The following SCAMP4 variants were observed in gnomAD, a reference collection of about 807,000 sequenced individuals.
SCAMP4 encodes the protein secretory carrier membrane protein 4, also known as secretory carrier-associated membrane protein 4.
In SCAMP4, 19 loss-of-function variants were observed where a neutral mutation model predicts 32.1. The observed-to-expected ratio is 0.59, with a 90% CI of 0.41 to 0.87. The LOEUF is 0.87. Ranked by LOEUF, SCAMP4 falls within the 40% of genes least tolerant of loss-of-function variation. SCAMP4 has a pLI of 0.00. For synonymous variants in SCAMP4, 152 were observed against 132.7 expected, an observed-to-expected ratio of 1.15 and a Z score of -1.00; for missense variants, 302 against 309.0, an observed-to-expected ratio of 0.98 and a Z score of 0.17.
intron 3 of SCAMP4, 39 bp downstream of exon 3, chr19:1,917,861 CAGGGCTCCCCG>C: frequency 6.2e-7 from 1 of 1,610,982 alleles, no homozygotes; most frequent in East Asian, 2.2e-5. Context: ...AAGCGGGAGG[CAGGGCTCCCCG>C]AGGGAGGGAG....
chr19:1,916,271 A>C (rs78627081), intron 2 of SCAMP4, among the ~76,000 whole-genome samples: 2,710 of 149,904 alleles, frequency 0.018, 80 homozygotes, highest in African/African-American at 0.063. Context: ...ATACAGGAGG[A>C]GTCGTCGTGG....
chr19:1,922,608 G>C (rs2013955170), intron 5 of SCAMP4: 1 of 985,618 alleles, frequency 1.0e-6, no homozygotes, highest in Non-Finnish European at 1.2e-6. Context: ...ATTGCTCCCG[G>C]ACATGCGGAT....
intron 1 of SCAMP4, among the ~76,000 whole-genome samples, chr19:1,914,227 G>A (rs1263043148): frequency 6.6e-6 from 1 of 152,168 alleles, no homozygotes; most frequent in Non-Finnish European, 1.5e-5. Flanking sequence ...CGGGCGGAGG[G>A]GAAGATGTCC....
At chr19:1,905,523 G>C (rs2013056588) in intron 1 of SCAMP4, 84 bp downstream of exon 1, 1 of 361,502 alleles carries the variant, frequency 2.8e-6, no homozygotes, top group Non-Finnish European at 6.0e-6. Flanking sequence ...GGGGGTCTCG[G>C]CGGTGAGGGG....
At chr19:1,916,278 G>A (rs553327231) in intron 2 of SCAMP4, among the ~76,000 whole-genome samples, 1 of 152,060 alleles carries the variant, frequency 6.6e-6, no homozygotes, top group African/African-American at 2.4e-5. Context: ...AGGAGTCGTC[G>A]TGGAGATGGA....
chr19:1,918,904 T>C lies in SCAMP4; in HGVS notation c.309T>C (p.Phe103=), dbSNP rs1229046230. The change falls in exon 5 of 7, where the codon TTT becomes TTC. Residue 103 remains phenylalanine (F), a synonymous_variant. Coordinates refer to ENST00000316097, the MANE Select transcript of SCAMP4 (RefSeq NM_079834.4). ...CCCTCCCCAGAGCCGACAGCTCCTT[T>C]AATTTCATGGCGTTTTTCTTCATCT... ...VYKAFRADSS[F]NFMAFFFIFG... 1 of 1,610,216 alleles carries C rather than the reference T, an allele frequency of 6.2e-7. No homozygotes were observed.
chr19:1,918,880 C>G lies in SCAMP4; in HGVS notation c.294-9C>G, dbSNP rs764947006. ...TGTGGTAACCGTCGTGTTTTCTGTCCCTCCCCAGAGCCGACAGCTCCTTTA... is the reference window on the plus strand; with the variant it reads ...TGTGGTAACCGTCGTGTTTTCTGTCGCTCCCCAGAGCCGACAGCTCCTTTA... On this transcript the variant is annotated splice_polypyrimidine_tract_variant and intron_variant, in intron 4 of 6. Coordinates refer to ENST00000316097, the MANE Select transcript of SCAMP4 (RefSeq NM_079834.4). The G allele has an allele frequency of 6.3e-6, 10 of 1,597,406 alleles. No individual in the cohort carries two copies. The highest frequency in any genetic ancestry group is 8.5e-6 in the Non-Finnish European group (10 of 1,171,918).
intron 1 of SCAMP4, chr19:1,905,824 C>G (rs2013083115): frequency 6.6e-6 from 1 of 152,404 alleles, no homozygotes; most frequent in African/African-American, 2.4e-5. Flanking sequence ...CGCGAGTTTC[C>G]GTAGCCTTCG....
intron 5 of SCAMP4, chr19:1,922,847 G>A (rs752994044): frequency 7.3e-5 from 92 of 1,262,200 alleles, no homozygotes; most frequent in Non-Finnish European, 8.1e-5. Context: ...CTGCACACGC[G>A]GCTCACTGCT....
rs905431845 is a variant in SCAMP4 at position 1,922,496 on chromosome 19, A to G, written c.396-574A>G. 5.1e-6 allele frequency: 5 copies of G among 971,332 alleles called. No individual in the cohort carries two copies. In the East Asian group the frequency reaches 4.6e-4, roughly 89 times the overall value. The allele number at this position is 971,332 out of a possible 1,614,324, so 60.2% of individuals were successfully genotyped here. On this transcript the variant is annotated intron_variant, in intron 5 of 6. Transcript: ENST00000316097. Reference sequence around the variant, plus strand: ...GTGATCCGCCCGCCTCGGCCTCCCAAAGTGCTGGGACGACAGGCGTAAGCC... The same window carrying G: ...GTGATCCGCCCGCCTCGGCCTCCCAGAGTGCTGGGACGACAGGCGTAAGCC...
In SCAMP4 at chr19:1,917,862, AGG is replaced by A. The variant is rs879148764; in HGVS notation, c.136+42_136+43del. ...GGGCAGGAGGCGGGAAGCGGGAGGC[AGG>A]GCTCCCCGAGGGAGGGAGTGGCATT... On this transcript the variant is annotated intron_variant, in intron 3 of 6. Coordinates refer to ENST00000316097, the MANE Select transcript of SCAMP4 (RefSeq NM_079834.4). The A allele has an allele frequency of 3.1e-6, 5 of 1,610,928 alleles. No individual in the cohort carries two copies. The South Asian group carries it at 4.4e-5, about 14-fold the overall frequency.
At chr19:1,919,080 G>T in intron 5 of SCAMP4, 90 bp downstream of exon 5, 1 of 1,548,290 alleles carries the variant, frequency 6.5e-7, no homozygotes, top group Non-Finnish European at 8.7e-7. Context: ...CCACCGGAGC[G>T]TGCTGGTCCG....
rs2014030629 is a variant in SCAMP4 at position 1,924,309 on chromosome 19, C to T, written c.*25C>T. On this transcript the variant is annotated 3_prime_UTR_variant, in exon 7 of 7. Coordinates refer to ENST00000316097, the MANE Select transcript of SCAMP4 (RefSeq NM_079834.4). ...GAGGGAGCCTGCCCTGCCCCCACCG[C>T]CCACCACCTCCTCCCCTTCATTCCT... The T allele has an allele frequency of 1.3e-6, 2 of 1,554,742 alleles. No individual in the cohort carries two copies. The highest frequency in any genetic ancestry group is 2.4e-5 in the East Asian group (1 of 42,082).
In SCAMP4 at chr19:1,912,995, C is replaced by T. The variant is rs541799061; in HGVS notation, c.-41-1984C>T. 1.3e-5 allele frequency: 21 copies of T among 1,608,494 alleles called. No homozygotes were observed. The East Asian group carries it at 4.5e-4, about 34-fold the overall frequency. On this transcript the variant is annotated intron_variant, in intron 1 of 6. Coordinates refer to ENST00000316097, the MANE Select transcript of SCAMP4 (RefSeq NM_079834.4). ...CCATGTGCGCCATGGCCCTGGTGCACGCACGCATCCTGCGCGTCTTCTACG... is the reference window on the plus strand; with the variant it reads ...CCATGTGCGCCATGGCCCTGGTGCATGCACGCATCCTGCGCGTCTTCTACG...
intron 1 of SCAMP4, chr19:1,911,917 C>T: frequency 8.3e-7 from 1 of 1,206,356 alleles, no homozygotes; most frequent in Non-Finnish European, 1.1e-6. Flanking sequence ...GGGAGTGTAG[C>T]TCTGATGCGG....
chr19:1,913,833 G>A (rs1236344846), intron 1 of SCAMP4, among the ~76,000 whole-genome samples: 5 of 151,910 alleles, frequency 3.3e-5, no homozygotes, highest in Non-Finnish European at 2.9e-5. Context: ...GGGTCCACCC[G>A]GCAAGTGTCC....
chr19:1,919,047 G>A (rs1818123180), intron 5 of SCAMP4, 57 bp downstream of exon 5: 5 of 1,561,040 alleles, frequency 3.2e-6, no homozygotes. Context: ...GCCAGGTTGT[G>A]GGCCTGCTGG....
At chr19:1,905,515 G>C in intron 1 of SCAMP4, 76 bp downstream of exon 1, 1 of 380,110 alleles carries the variant, frequency 2.6e-6, no homozygotes, top group Admixed American at 3.2e-5. Context: ...CTGACATGGG[G>C]GGTCTCGGCG....
chr19:1,907,241 T>TGTTC (rs2013173327), intron 1 of SCAMP4: 1 of 151,288 alleles, frequency 6.6e-6, no homozygotes, highest in Non-Finnish European at 1.5e-5. Flanking sequence ...GAGCATTAGC[T>TGTTC]GTTCCCTCTC....
Sources: allele counts gnomAD v4.1 joint callset (sites outside exome capture counted in the v4.1 genomes callset), GRCh38; gene constraint gnomAD v4.1.1; transcripts MANE v1.5; gene names NCBI Gene and HGNC (gene_info 2026-07-23, HGNC 2026-07-21).